Variants in SOX5 observed in about 807,000 individuals in gnomAD.
SOX5 encodes the protein transcription factor SOX-5.
In SOX5, 9 loss-of-function variants were observed where a neutral mutation model predicts 92.0. The observed-to-expected ratio is 0.10, with a 90% CI of 0.06 to 0.17. The LOEUF is 0.17. Ranked by LOEUF, SOX5 falls within the 10% of genes least tolerant of loss-of-function variation. The pLI, the probability that SOX5 is intolerant of heterozygous loss-of-function variation, is 1.00. For synonymous variants in SOX5, 344 were observed against 336.3 expected (o/e 1.02, Z -0.25); for missense variants, 642 against 944.5 (o/e 0.68, Z 4.20).
chr12:24,085,207 C>G (rs768038234), intron 4 of SOX5, among the ~76,000 whole-genome samples: 33 of 152,138 alleles, frequency 2.2e-4, no homozygotes, highest in Non-Finnish European at 3.7e-4. Flanking sequence ...AGAGGGGCAA[C>G]AGATGCCTTT....
Position 23,584,740 on chromosome 12 carries a change from TG to T in SOX5, c.1165-8903del. The T allele has an allele frequency of 5.0e-6, 3 of 599,482 alleles. No individual in the cohort carries two copies. In the Admixed American group the frequency reaches 8.5e-5, roughly 17 times the overall value. The allele number at this position is 599,482 out of a possible 1,614,324, so 37.1% of individuals were successfully genotyped here. On this transcript the variant is annotated intron_variant, in intron 9 of 14. Coordinates refer to ENST00000451604, the MANE Select transcript of SOX5 (RefSeq NM_006940.6). ...AGAAGGACAGGTGTGAGTGTGTGTG[TG>T]TGTGTGTATGTGTGTGTGTTTAATG...
intron 1 of SOX5, among the ~76,000 whole-genome samples, chr12:24,424,895 A>G (rs540352849): frequency 6.6e-6 from 1 of 151,248 alleles, no homozygotes; most frequent in East Asian, 2.0e-4. Flanking sequence ...CAGCTGACAT[A>G]CTGGGGAGAC....
At chr12:23,893,621 C>T (rs2137612975) in intron 2 of SOX5, among the ~76,000 whole-genome samples, 1 of 152,254 alleles carries the variant, frequency 6.6e-6, no homozygotes, top group East Asian at 1.9e-4. Context: ...TAATTATCTA[C>T]ATTCATCTCT....
intron 3 of SOX5, among the ~76,000 whole-genome samples, chr12:23,762,039 A>G (rs1465741042): frequency 6.6e-6 from 1 of 152,156 alleles, no homozygotes; most frequent in Non-Finnish European, 1.5e-5. Context: ...ATATATCAGT[A>G]AGAGTTCAAT....
At chr12:23,931,670 T>C (rs917818847) in intron 1 of SOX5, among the ~76,000 whole-genome samples, 4 of 151,760 alleles carry the variant, frequency 2.6e-5, no homozygotes, top group African/African-American at 9.7e-5. Context: ...TTAGAAACTT[T>C]AAACAAGATT....
rs189082388 is a variant in SOX5 at position 24,513,835 on chromosome 12, G to T, written c.-251+48494C>A. On this transcript the variant is annotated intron_variant, in intron 1 of 4. Transcript: ENST00000446891. ...AGGATAGGAAACCTTAGAGATTTTC[G>T]AACACAATGCTTTTCCTAATATAAA... Among the ~76,000 whole-genome samples, 13 of 152,246 alleles carry T rather than the reference G, an allele frequency of 8.5e-5. No homozygotes were observed. The South Asian group carries it at 1.5e-3, about 17-fold the overall frequency.
At chr12:24,425,950 C>T (rs1359596827) in intron 1 of SOX5, among the ~76,000 whole-genome samples, 1 of 152,144 alleles carries the variant, frequency 6.6e-6, no homozygotes, top group Non-Finnish European at 1.5e-5. Context: ...AGCTGTGCTC[C>T]ATTGATTGAG....
At chr12:23,659,116 A>T (rs559928268) in intron 7 of SOX5, among the ~76,000 whole-genome samples, 76 of 152,312 alleles carry the variant, frequency 5.0e-4, no homozygotes, top group African/African-American at 1.8e-3. Context: ...GTCAGCTGAC[A>T]TAGCTGACAC....
intron 2 of SOX5, among the ~76,000 whole-genome samples, chr12:24,289,377 C>G (rs913009091): frequency 2.6e-5 from 4 of 152,044 alleles, no homozygotes; most frequent in African/African-American, 9.6e-5. Context: ...CTTTCTGAAT[C>G]TCTTGCGTTT....
chr12:24,539,542 C>T (rs758924234), intron 1 of SOX5, among the ~76,000 whole-genome samples: 3 of 152,032 alleles, frequency 2.0e-5, no homozygotes, highest in Non-Finnish European at 4.4e-5. Flanking sequence ...GACATTTGAT[C>T]CCTATTGTAA....
chr12:24,547,592 G>A (rs1952769632), intron 1 of SOX5, among the ~76,000 whole-genome samples: 1 of 152,136 alleles, frequency 6.6e-6, no homozygotes, highest in Non-Finnish European at 1.5e-5. Context: ...TTGTCAATAG[G>A]ACAAAAATGC....
At chr12:23,779,955 C>CTGTGTGTGTGTGTGTGTG (rs10686652) in intron 3 of SOX5, among the ~76,000 whole-genome samples, 17 of 136,530 alleles carry the variant, frequency 1.2e-4, no homozygotes, top group South Asian at 2.5e-4. Context: ...CACAGCGAGA[C>CTGTGTGTGTGTGTGTGTG]TGTGTGTGTG....
chr12:24,325,277 T>A (rs1332261984), intron 2 of SOX5, among the ~76,000 whole-genome samples: 2 of 152,170 alleles, frequency 1.3e-5, no homozygotes, highest in Non-Finnish European at 2.9e-5. Context: ...CCATGAAAAA[T>A]TTAAAAGATA....
At chr12:24,127,585 T>C (rs1408113008) in intron 4 of SOX5, among the ~76,000 whole-genome samples, 1 of 152,184 alleles carries the variant, frequency 6.6e-6, no homozygotes, top group Non-Finnish European at 1.5e-5. Flanking sequence ...ACTTTTGTGA[T>C]CACTTCAGCT....
intron 3 of SOX5, among the ~76,000 whole-genome samples, chr12:24,233,323 A>C (rs1594609461): frequency 1.3e-5 from 2 of 152,336 alleles, no homozygotes; most frequent in Non-Finnish European, 1.5e-5. Context: ...AAAGCTAATC[A>C]ATACAAATTA....
chr12:23,887,917 A>ATGTGTGTGTGTGTGTGTGTG (rs61356582), intron 2 of SOX5, among the ~76,000 whole-genome samples: 1 of 144,664 alleles, frequency 6.9e-6, no homozygotes, highest in African/African-American at 2.6e-5. Context: ...CAGTGTGTAT[A>ATGTGTGTGTGTGTGTGTGTG]TGTGTGTGTG....
chr12:23,882,456 T>C (rs2097005117), intron 2 of SOX5, among the ~76,000 whole-genome samples: 1 of 152,082 alleles, frequency 6.6e-6, no homozygotes, highest in Non-Finnish European at 1.5e-5. Flanking sequence ...AGGATGTTCA[T>C]GCAGGAAAAT....
intron 8 of SOX5, among the ~76,000 whole-genome samples, chr12:23,631,624 T>C (rs543646844): frequency 1.3e-5 from 2 of 152,230 alleles, no homozygotes; most frequent in South Asian, 4.1e-4. Context: ...TATCAAGGAA[T>C]GGGCATGGAC....
At chr12:23,872,268 T>A (rs2096883246) in intron 2 of SOX5, among the ~76,000 whole-genome samples, 1 of 144,282 alleles carries the variant, frequency 6.9e-6, no homozygotes, top group Admixed American at 7.3e-5. Flanking sequence ...CGCCTCGGCC[T>A]CCCAAAGTGC....
Sources: gnomAD v4.1 joint callset for allele counts (sites outside exome capture counted in the v4.1 genomes callset) on GRCh38, gnomAD v4.1.1 for gene constraint, MANE v1.5 for transcripts, NCBI Gene and HGNC (gene_info 2026-07-23, HGNC 2026-07-21) for gene names.